The following EVC variants were observed in gnomAD, a reference collection of about 807,000 sequenced individuals.
EVC encodes the protein evC complex member EVC.
EVC carries 116 observed loss-of-function variants against 118.9 expected under a neutral mutation model. The ratio of observed to expected loss-of-function variants is 0.98; its 90% CI spans 0.84 to 1.14. The LOEUF (loss-of-function observed/expected upper bound fraction) is 1.14, where lower values mean the gene tolerates loss of function less well. Among genes scored for constraint, EVC ranks in the 50% most tolerant of loss-of-function variants. The probability of loss-of-function intolerance (pLI) is 0.00; values close to 1 mark genes in which losing one functional copy is unlikely to be tolerated. For missense variants in EVC, 1,401 were observed against 1,246.4 expected, an observed-to-expected ratio of 1.12 and a Z score of -1.87; for synonymous variants, 619 against 534.7, an observed-to-expected ratio of 1.16 and a Z score of -2.18.
chr4:5,815,839 A>T (rs552186763), downstream of EVC, among the ~76,000 whole-genome samples: 3 of 152,302 alleles, frequency 2.0e-5, no homozygotes, highest in African/African-American at 7.2e-5. Context: ...CCTGGCATAT[A>T]ACAGGCATTC....
rs1230020980 is a variant in EVC at position 5,742,581 on chromosome 4, CCAT to C, written c.801+778_801+780del. On this transcript the variant is annotated intron_variant, in intron 6 of 20. Transcript: ENST00000264956. The surrounding 1 kb of genome is among the most constrained non-coding windows in gnomAD (Gnocchi z 5.2). ...ACATCATCATTCTTTGTCTTTACCACCATCATCATCATCCTCATGACCGCTGTC... is the reference window on the plus strand; with the variant it reads ...ACATCATCATTCTTTGTCTTTACCACCATCATCATCCTCATGACCGCTGTC... Among the ~76,000 whole-genome samples the C allele has an allele frequency of 3.9e-5, 6 of 152,170 alleles. No individual in the cohort carries two copies. Among genetic ancestry groups the C allele is most frequent in the South Asian group, 2.1e-4 (1 of 4,826 alleles).
chr4:5,745,268 G>C lies in EVC; in HGVS notation c.866G>C (p.Gly289Ala), dbSNP rs1347479870. ...TCAAACACAGAAATGTCGGGGGCTG[G>C]TGACTCTGAGTACATCACCCTGGCT... The part of the protein sequence containing the change: ...KLSNTEMSGA[G>A]DSEYITLADV... The change falls in exon 7 of 21, where the codon GGT becomes GCT. Residue 289 changes from glycine (G) to alanine (A), a missense_variant. By Grantham distance (60) the Gly-to-Ala change is moderately conservative. Coordinates refer to ENST00000264956, the MANE Select transcript of EVC (RefSeq NM_153717.3). 6.2e-7 allele frequency: 1 copy of C among 1,614,046 alleles called. No individual in the cohort carries two copies. The highest frequency in any genetic ancestry group is 8.5e-7 in the Non-Finnish European group (1 of 1,179,930).
Position 5,731,553 on chromosome 4 carries a change from C to G in EVC, c.513C>G (p.Asp171Glu). 2 of 1,614,136 alleles carry G rather than the reference C, an allele frequency of 1.2e-6. No homozygotes were observed. The highest frequency in any genetic ancestry group is 1.7e-6 in the Non-Finnish European group (2 of 1,180,022). ...GCCTGAGCCAGGGTGAGAAGGACGA[C>G]TGCAGCTCCTCATCCAGCGTCCACT... is the stretch of plus-strand genomic sequence containing the variant. ...LGSLSQGEKD[D>E]CSSSSSVHSA... The change falls in exon 4 of 21, where the codon GAC becomes GAG. Residue 171 changes from aspartate (D) to glutamate (E), a missense_variant. Physicochemically the swap from Asp to Glu is conservative, Grantham distance 45 (BLOSUM62 2). Coordinates refer to ENST00000264956, the MANE Select transcript of EVC (RefSeq NM_153717.3). The surrounding 1 kb of genome is among the most constrained non-coding windows in gnomAD (Gnocchi z 5.6).
At chr4:5,791,243 C>G (rs981116230) in intron 12 of EVC, among the ~76,000 whole-genome samples, 10 of 152,024 alleles carry the variant, frequency 6.6e-5, no homozygotes, top group Non-Finnish European at 1.2e-4. Context: ...GCTCAGAGAT[C>G]TAAAGAGATG....
At chr4:5,800,782 G>C (rs1022383177) in intron 15 of EVC, among the ~76,000 whole-genome samples, 22 of 152,290 alleles carry the variant, frequency 1.4e-4, no homozygotes, top group African/African-American at 5.1e-4. Context: ...GCAGGGGCTC[G>C]GGAGTTAGAA....
intron 6 of EVC, among the ~76,000 whole-genome samples, chr4:5,744,048 T>G (rs1711881400): frequency 6.6e-6 from 1 of 152,216 alleles, no homozygotes. Context: ...GCATGTTAAT[T>G]ATAATAGTGG....
intron 16 of EVC, among the ~76,000 whole-genome samples, chr4:5,803,917 A>T (rs1490196773): frequency 6.7e-6 from 1 of 149,962 alleles, no homozygotes; most frequent in Non-Finnish European, 1.5e-5. Flanking sequence ...GGTCTAAACC[A>T]TGCCTGTCTC....
At chr4:5,788,840 T>C (rs560779745) in intron 12 of EVC, among the ~76,000 whole-genome samples, 2 of 152,328 alleles carry the variant, frequency 1.3e-5, no homozygotes, top group East Asian at 3.9e-4. Flanking sequence ...ACAGGCTGCA[T>C]GCAGCCCAAC....
intron 11 of EVC, among the ~76,000 whole-genome samples, chr4:5,773,625 C>T (rs1363803504): frequency 6.6e-6 from 1 of 152,082 alleles, no homozygotes; most frequent in Non-Finnish European, 1.5e-5. Flanking sequence ...CGCTGAGCTG[C>T]CGGGGTGTTT....
chr4:5,730,997 G>A (rs962015162), intron 3 of EVC, among the ~76,000 whole-genome samples: 1 of 152,008 alleles, frequency 6.6e-6, no homozygotes, highest in Non-Finnish European at 1.5e-5. Flanking sequence ...GGTGACTCCT[G>A]CTCTGTGCAG....
Position 5,731,897 on chromosome 4 carries a change from C to G in EVC, c.617+240C>G, listed in dbSNP as rs1031450584. ...CCCCGGGGAGAGATGACAGGGAGGC[C>G]TCATTTAATCACTGGCGTGCTCCCA... On this transcript the variant is annotated intron_variant, in intron 4 of 20. Transcript: ENST00000264956. This position sits in a 1 kb window ranked among gnomAD's most constrained non-coding sequence, Gnocchi z 5.6. 6.6e-6 allele frequency among the ~76,000 whole-genome samples: 1 copy of G among 152,120 alleles called. No individual in the cohort carries two copies. Among genetic ancestry groups the G allele is most frequent in the Non-Finnish European group, 1.5e-5 (1 of 68,022 alleles).
At chr4:5,801,895 G>T in intron 15 of EVC, 55 bp from the exon 16 acceptor site, 2 of 1,595,524 alleles carry the variant, frequency 1.3e-6, no homozygotes, top group African/African-American at 1.3e-5. Context: ...ATGGGCCGTG[G>T]GTGGCTCCCA....
At chr4:5,726,583 T>TTTTAA (rs397992166) in intron 2 of EVC, among the ~76,000 whole-genome samples, 1 of 148,222 alleles carries the variant, frequency 6.7e-6, no homozygotes, top group African/African-American at 2.5e-5. Flanking sequence ...TTTTTTTTTT[T>TTTTAA]ATTATACTTT....
At chr4:5,759,380 C>T (rs552462373) in intron 11 of EVC, among the ~76,000 whole-genome samples, 35 of 152,278 alleles carry the variant, frequency 2.3e-4, no homozygotes, top group Middle Eastern at 3.4e-3. Context: ...TCCTGCCTTA[C>T]GTGTGGGCTG....
At chr4:5,772,738 C>T (rs766149506) in intron 11 of EVC, among the ~76,000 whole-genome samples, 6 of 152,122 alleles carry the variant, frequency 3.9e-5, no homozygotes, top group Admixed American at 6.5e-5. Flanking sequence ...CACTCATCAC[C>T]CTTCCTAAAG....
chr4:5,718,471 G>A (rs750921569), intron 1 of EVC, among the ~76,000 whole-genome samples: 1 of 152,092 alleles, frequency 6.6e-6, no homozygotes, highest in African/African-American at 2.4e-5. Context: ...CACTGTGTTT[G>A]GTGGTTATTT....
chr4:5,772,171 C>G (rs766726400), intron 11 of EVC, among the ~76,000 whole-genome samples: 3 of 152,184 alleles, frequency 2.0e-5, no homozygotes, highest in Admixed American at 6.5e-5. Context: ...GCTGGGATTA[C>G]AGGCGTGAGC....
intron 15 of EVC, among the ~76,000 whole-genome samples, chr4:5,800,655 G>A (rs1714805489): frequency 6.6e-6 from 1 of 152,184 alleles, no homozygotes; most frequent in African/African-American, 2.4e-5. Flanking sequence ...GAAAGAGGAT[G>A]GGAGCTCCCG....
At chr4:5,794,405 TA>T (rs200632218) in intron 13 of EVC, among the ~76,000 whole-genome samples, 21,781 of 137,338 alleles carry the variant, frequency 0.16, 2,049 homozygotes, top group South Asian at 0.34. Context: ...TATATATATA[TA>T]TTTTTTTTCT....
Sources: gnomAD v4.1 joint callset for allele counts (sites outside exome capture counted in the v4.1 genomes callset) on GRCh38, gnomAD v4.1.1 for gene constraint, Gnocchi (gnomAD v3.1) non-coding constraint, MANE v1.5 for transcripts, NCBI Gene and HGNC (gene_info 2026-07-23, HGNC 2026-07-21) for gene names.